SORBS2: variants seen among roughly 807,000 people sequenced by gnomAD.
SORBS2 encodes sorbin and SH3 domain containing 2, also known as sorbin and SH3 domain-containing protein 2.
A neutral mutation model predicts 97.7 loss-of-function variants in SORBS2; 46 were observed. The observed-to-expected ratio is 0.47, with a 90% CI of 0.37 to 0.60. SORBS2 has a LOEUF of 0.60. SORBS2 is among the 20% of genes least tolerant of loss of function. SORBS2 has a pLI of 0.00. For synonymous variants in SORBS2, 476 were observed against 473.4 expected (o/e 1.01, Z -0.07); for missense variants, 1,316 against 1,282.3 (o/e 1.03, Z -0.40).
intron 1 of SORBS2, among the ~76,000 whole-genome samples, chr4:185,878,922 G>A (rs868087162): frequency 6.6e-5 from 10 of 152,180 alleles, no homozygotes; most frequent in African/African-American, 1.9e-4. Context: ...CCAAGCTCAC[G>A]TGGCTGCCAG....
intron 1 of SORBS2, among the ~76,000 whole-genome samples, chr4:185,940,792 C>T (rs531623306): frequency 6.6e-6 from 1 of 152,212 alleles, no homozygotes; most frequent in Non-Finnish European, 1.5e-5. Context: ...AAACATCATT[C>T]AGGAGTCTGT....
Position 185,623,450 on chromosome 4 carries a change from G to A in SORBS2, c.1679C>T (p.Ser560Phe). The A allele has an allele frequency of 6.2e-7, 1 of 1,612,256 alleles. No homozygotes were observed. Among genetic ancestry groups the A allele is most frequent in the Non-Finnish European group, 8.5e-7 (1 of 1,180,024 alleles). ...GGAGGCCGGGCACCTGCCTTTGCAG[G>A]AGCTGATGAGGTGGCGGTGGTGGTG... The change falls in exon 7 of 15, where the codon TCC (serine) becomes TTC (phenylalanine). Residue 560 changes from serine (S) to phenylalanine (F), a missense_variant. By Grantham distance (155) the Ser-to-Phe change is radical. Coordinates refer to ENST00000418609, the Ensembl canonical transcript of SORBS2. This position sits in a 1 kb window ranked among gnomAD's most constrained non-coding sequence, Gnocchi z 6.4.
chr4:185,600,997 C>T lies in SORBS2; in HGVS notation c.2797-7062G>A, dbSNP rs572648527. On this transcript the variant is annotated intron_variant, in intron 12 of 14. Coordinates refer to ENST00000418609, the Ensembl canonical transcript of SORBS2. ...GTAGGTTTTATTTTCCTTCCAATAG[C>T]GGACAGGATCTGGCAGTGTACTGCC... Among the ~76,000 whole-genome samples, 35 of 151,984 alleles carry T rather than the reference C, an allele frequency of 2.3e-4. 1 individual carries two copies. The highest frequency in any genetic ancestry group is 4.0e-4 in the Non-Finnish European group (27 of 67,984).
chr4:185,840,123 G>A (rs1175318696), intron 1 of SORBS2, among the ~76,000 whole-genome samples: 1 of 152,150 alleles, frequency 6.6e-6, no homozygotes, highest in East Asian at 1.9e-4. Context: ...GACTGGCAGA[G>A]GTCACCAGTA....
intron 1 of SORBS2, among the ~76,000 whole-genome samples, chr4:185,799,960 G>A (rs2099122589): frequency 6.6e-6 from 1 of 152,198 alleles, no homozygotes; most frequent in African/African-American, 2.4e-5. Flanking sequence ...CACTTTGGGA[G>A]GCTGAGGCAG....
At chr4:185,876,502 G>T (rs1384967674) in intron 1 of SORBS2, among the ~76,000 whole-genome samples, 1 of 152,150 alleles carries the variant, frequency 6.6e-6, no homozygotes, top group African/African-American at 2.4e-5. Context: ...AGACTGGAAG[G>T]AATTAGCTGT....
At chr4:185,861,419 T>G (rs907922500) in intron 1 of SORBS2, among the ~76,000 whole-genome samples, 5 of 151,938 alleles carry the variant, frequency 3.3e-5, no homozygotes, top group Admixed American at 6.5e-5. Flanking sequence ...GTGTTTTGAG[T>G]GCTTGAGAGA....
At chr4:185,943,932 T>A (rs2150007359) in intron 1 of SORBS2, among the ~76,000 whole-genome samples, 1 of 152,324 alleles carries the variant, frequency 6.6e-6, no homozygotes, top group South Asian at 2.1e-4. Flanking sequence ...ATGTTAATAA[T>A]TAAATCCAGC....
chr4:185,621,390 T>TTTAAA (rs2096717234), intron 7 of SORBS2, among the ~76,000 whole-genome samples: 1 of 152,142 alleles, frequency 6.6e-6, no homozygotes, highest in Admixed American at 6.5e-5. Context: ...ACAAAATACT[T>TTTAAA]TTAAATGCAT....
At chr4:185,935,725 A>G (rs757665458) in intron 1 of SORBS2, among the ~76,000 whole-genome samples, 1 of 152,206 alleles carries the variant, frequency 6.6e-6, no homozygotes, top group Non-Finnish European at 1.5e-5. Flanking sequence ...GGTGGAAAAC[A>G]TGATTTACTC....
At chr4:185,838,079 T>C (rs542911203) in intron 1 of SORBS2, among the ~76,000 whole-genome samples, 14 of 152,230 alleles carry the variant, frequency 9.2e-5, no homozygotes, top group Admixed American at 9.2e-4. Context: ...TTCCAACAGA[T>C]GATGCTTTTC....
intron 2 of SORBS2, among the ~76,000 whole-genome samples, chr4:185,702,518 G>A (rs1477114656): frequency 1.3e-5 from 2 of 152,118 alleles, no homozygotes; most frequent in Admixed American, 6.5e-5. Flanking sequence ...TCTCCAATTG[G>A]GGATCGAATT....
chr4:185,604,143 T>G (rs1012030234), intron 12 of SORBS2, among the ~76,000 whole-genome samples: 3 of 152,216 alleles, frequency 2.0e-5, no homozygotes, highest in Non-Finnish European at 4.4e-5. Flanking sequence ...AATTTGTTTT[T>G]CTCCTCAATC....
chr4:185,732,933 G>A (rs2098653752), intron 2 of SORBS2, among the ~76,000 whole-genome samples: 1 of 152,206 alleles, frequency 6.6e-6, no homozygotes, highest in African/African-American at 2.4e-5. Flanking sequence ...GCGAGACAAT[G>A]CAGGCAGAGA....
chr4:185,925,765 G>A (rs2099263317), intron 1 of SORBS2, among the ~76,000 whole-genome samples: 1 of 152,098 alleles, frequency 6.6e-6, no homozygotes, highest in Admixed American at 6.5e-5. Flanking sequence ...ACGATCCCAT[G>A]GGTCAAGCAG....
Position 185,901,136 on chromosome 4 carries a change from A to G in SORBS2, c.-338+55060T>C, listed in dbSNP as rs1232220329. 2.0e-5 allele frequency among the ~76,000 whole-genome samples: 3 copies of G among 152,342 alleles called. No individual in the cohort carries two copies. The East Asian group carries it at 5.8e-4, about 29-fold the overall frequency. On this transcript the variant is annotated intron_variant, in intron 1 of 20. Transcript: ENST00000284776. ...ATTTATATCTATCTTTTCGGAATAC[A>G]TATACTGTGTAGACTATGTTTCCAA...
At chr4:185,955,298 C>T (rs2099279043) in intron 1 of SORBS2, among the ~76,000 whole-genome samples, 1 of 152,186 alleles carries the variant, frequency 6.6e-6, no homozygotes, top group Admixed American at 6.5e-5. Flanking sequence ...TAATGAACAA[C>T]TTCCCGGGAA....
chr4:185,626,580 G>C (rs1029628696), intron 6 of SORBS2, among the ~76,000 whole-genome samples: 50 of 152,138 alleles, frequency 3.3e-4, no homozygotes, highest in Admixed American at 3.3e-3. Flanking sequence ...CTTTCAATTT[G>C]TTTAGAAAGG....
At chr4:185,747,833 T>C (rs184475941) in intron 2 of SORBS2, among the ~76,000 whole-genome samples, 303 of 151,788 alleles carry the variant, frequency 2.0e-3, no homozygotes, top group African/African-American at 7.1e-3. Context: ...CTACCGAAAA[T>C]ACAAAAAATT....
Sources: allele counts gnomAD v4.1 joint callset (sites outside exome capture counted in the v4.1 genomes callset), GRCh38; gene constraint gnomAD v4.1.1; non-coding constraint Gnocchi (gnomAD v3.1); transcripts MANE v1.5; gene names NCBI Gene and HGNC (gene_info 2026-07-23, HGNC 2026-07-21).